Variants in ITGA2B observed in about 807,000 individuals in gnomAD.
ITGA2B encodes integrin alpha-IIb.
ITGA2B carries 91 observed loss-of-function variants against 142.0 expected under a neutral mutation model. The ratio of observed to expected loss-of-function variants is 0.64; its 90% CI spans 0.54 to 0.76. ITGA2B has a LOEUF of 0.76. Among genes scored for constraint, ITGA2B ranks in the 30% least tolerant of loss-of-function variants. ITGA2B has a pLI of 0.00. For synonymous variants in ITGA2B, 536 were observed against 567.2 expected (o/e 0.94, Z 0.78); for missense variants, 1,231 against 1,350.8 (o/e 0.91, Z 1.39).
Position 44,389,405 on chromosome 17 carries a change from A to G in ITGA2B, c.69T>C (p.Pro23=), listed in dbSNP as rs2143507076. The G allele has an allele frequency of 6.2e-7, 1 of 1,614,198 alleles. No individual in the cohort carries two copies. The highest frequency in any genetic ancestry group is 8.5e-7 in the Non-Finnish European group (1 of 1,180,032). The change falls in exon 1 of 30, where the codon CCT becomes CCC. Residue 23 remains proline, a synonymous_variant. Coordinates refer to ENST00000262407, the MANE Select transcript of ITGA2B (RefSeq NM_000419.5). ...LLEWVLLLLG[P]CAAPPAWALN... ...AGGCCCAGGCTGGAGGGGCAGCACA[A>G]GGTCCCAAGAGCAGCAGCACCCACT...
At chr17:44,377,114 A>G in intron 21 of ITGA2B, 26 bp from the exon 22 acceptor site, 2 of 1,541,612 alleles carry the variant, frequency 1.3e-6, no homozygotes, top group South Asian at 1.2e-5. Flanking sequence ...GGCCAAGGTC[A>G]CTGCCCAAGT....
Position 44,389,605 on chromosome 17 carries a change from G to C in ITGA2B, c.-132C>G. ...CTTGCTGAGCAACGGGCAGAGCAAA[G>C]GGCTATAGCCCCTGGACTCATGGTG... On this transcript the variant is annotated 5_prime_UTR_variant, in exon 1 of 30. Coordinates refer to ENST00000262407, the MANE Select transcript of ITGA2B (RefSeq NM_000419.5). 1 of 1,018,228 alleles carries C rather than the reference G, an allele frequency of 9.8e-7. No individual in the cohort carries two copies. The highest frequency in any genetic ancestry group is 1.6e-5 in the African/African-American group (1 of 63,210). 63.1% of individuals were successfully genotyped at this position (1,018,228 alleles called of 1,614,324 possible). A position where few individuals can be genotyped will look rare whatever the true frequency, so the allele number is the denominator to read the frequency against.
chr17:44,373,555 G>A (rs1456175935), intron 29 of ITGA2B, among the ~76,000 whole-genome samples: 1 of 152,208 alleles, frequency 6.6e-6, no homozygotes, highest in Non-Finnish European at 1.5e-5. Context: ...TCCCTTCAGT[G>A]TGCTTGAGAC....
Position 44,375,845 on chromosome 17 carries a change from G to A in ITGA2B, c.2589C>T (p.Val863=), listed in dbSNP as rs781462273. Residue 863 remains valine (V), a synonymous_variant, in exon 25 of 30, where the codon GTC becomes GTT. Transcript: ENST00000262407. ...ACCCAGCTCTTACCTTGAGAGGGTT[G>A]ACAGGAGGCTGTGGGAAGCACTGAA... ...GGLQCFPQPP[V]NPLKVDWGLP... 1.3e-6 allele frequency: 2 copies of A among 1,584,802 alleles called. No individual in the cohort carries two copies. Among genetic ancestry groups the A allele is most frequent in the Non-Finnish European group, 1.7e-6 (2 of 1,165,220 alleles).
intron 9 of ITGA2B, 62 bp downstream of exon 9, chr17:44,384,249 G>T: frequency 6.2e-7 from 1 of 1,603,772 alleles, no homozygotes; most frequent in Non-Finnish European, 8.5e-7. Flanking sequence ...GGGCGCTCAG[G>T]AGTTGTCAGC....
At position 44,383,605 on chromosome 17, in the gene ITGA2B, T is replaced by C. The variant is rs1231930154; in HGVS notation, c.1098A>G (p.Arg366=). 6.2e-7 allele frequency: 1 copy of C among 1,609,382 alleles called. No individual in the cohort carries two copies. Among genetic ancestry groups the C allele is most frequent in the Admixed American group, 1.7e-5 (1 of 59,426 alleles). ...VGRVYLFLQP[R]GPHALGAPSL... ...TGGGGGCACCCAGCGCGTGGGGGCC[T>C]CGCGGCTGCAGGAACAAATACACAC... The change falls in exon 12 of 30, where the codon CGA becomes CGG. Residue 366 remains arginine, a synonymous_variant. Transcript: ENST00000262407.
Position 44,389,382 on chromosome 17 carries a change from G to T in ITGA2B, c.92C>A (p.Ala31Asp). Reference sequence around the variant, plus strand: ...GAGCTGCACTGGGTCCAGGTTCAAGGCCCAGGCTGGAGGGGCAGCACAAGG... The same window carrying T: ...GAGCTGCACTGGGTCCAGGTTCAAGTCCCAGGCTGGAGGGGCAGCACAAGG... ...LGPCAAPPAW[A>D]LNLDPVQLTF... Residue 31 changes from alanine (A) to aspartate (D), a missense_variant, in exon 1 of 30, where the codon GCC becomes GAC. This residue lies in a region of ITGA2B where 318 missense variants were observed against 312.2 expected (regional missense o/e 1.02). Coordinates refer to ENST00000262407, the MANE Select transcript of ITGA2B (RefSeq NM_000419.5). 2 of 1,614,160 alleles carry T rather than the reference G, an allele frequency of 1.2e-6. No homozygotes were observed. Among genetic ancestry groups the T allele is most frequent in the Non-Finnish European group, 1.7e-6 (2 of 1,180,024 alleles).
At position 44,377,743 on chromosome 17, in the gene ITGA2B, C is replaced by T. The variant is rs760027064; in HGVS notation, c.2142G>A (p.Arg714=). The T allele has an allele frequency of 3.7e-6, 6 of 1,613,952 alleles. No individual in the cohort carries two copies. In the Admixed American group the frequency reaches 5.0e-5, roughly 13 times the overall value. Residue 714 remains arginine (R), a synonymous_variant, in exon 21 of 30, where the codon AGG becomes AGA. Coordinates refer to ENST00000262407, the MANE Select transcript of ITGA2B (RefSeq NM_000419.5). ...GGTTGCCCAGCTCACACAGCACCAC[C>T]CTGGTCTCATTCTCCTTCTTCTGAT... ...ICNQKKENET[R]VVLCELGNPM...
At position 44,378,413 on chromosome 17, in the gene ITGA2B, GGCCAGC is replaced by G; in HGVS notation, c.2037_2042del (p.Glu679_Ala681delinsAsp). 6.2e-7 allele frequency: 1 copy of G among 1,613,450 alleles called. No homozygotes were observed. The highest frequency in any genetic ancestry group is 1.1e-5 in the South Asian group (1 of 90,886). On this transcript the variant is annotated inframe_deletion, in exon 20 of 30. Transcript: ENST00000262407. ...AGTGGGCGCCCTGGGGCAGGTGCAC[GGCCAGC>G]TCTGCTTCATAGGCCCCCTCGCCCT...
chr17:44,376,221 C>A (rs1241447451), intron 23 of ITGA2B, 37 bp from the exon 24 acceptor site: 2 of 1,613,480 alleles, frequency 1.2e-6, no homozygotes, highest in Non-Finnish European at 1.7e-6. Flanking sequence ...GAGTGTGATG[C>A]CCTGATTGGC....
At position 44,377,605 on chromosome 17, in the gene ITGA2B, C is replaced by A. The variant is rs35735980; in HGVS notation, c.2187+93G>T. 16,965 of 920,578 alleles carry A rather than the reference C, an allele frequency of 0.018. 1,900 individuals are homozygous for A. The African/African-American group carries it at 0.24, about 13-fold the overall frequency. 57.0% of individuals were successfully genotyped at this position (920,578 alleles called of 1,614,324 possible). On this transcript the variant is annotated intron_variant, in intron 21 of 29. Coordinates refer to ENST00000262407, the MANE Select transcript of ITGA2B (RefSeq NM_000419.5). ...GGGAGTGTGAGGACCAAGATTCTGGCCCAGAACTATGTGGCTCTAAAACCT... is the reference window on the plus strand; with the variant it reads ...GGGAGTGTGAGGACCAAGATTCTGGACCAGAACTATGTGGCTCTAAAACCT...
Position 44,373,903 on chromosome 17 carries a change from C to T in ITGA2B, c.3060+451G>A, listed in dbSNP as rs189917397. ...TTTTGCTCTACTAGAGAAAGACATT[C>T]TATTTTTTTCTTTTTTTTTTGAGAT... On this transcript the variant is annotated intron_variant, in intron 29 of 29. Transcript: ENST00000262407. 770 of 191,958 alleles carry T rather than the reference C, an allele frequency of 4.0e-3. 9 individuals carry two copies. Among genetic ancestry groups the T allele is most frequent in the South Asian group, 0.015 (187 of 12,490 alleles). 11.9% of individuals were successfully genotyped at this position (191,958 alleles called of 1,614,324 possible). A position where few individuals can be genotyped will look rare whatever the true frequency, so the allele number is the denominator to read the frequency against.
At chr17:44,383,257 C>T (rs118021442) in intron 12 of ITGA2B, among the ~76,000 whole-genome samples, 45 of 152,282 alleles carry the variant, frequency 3.0e-4, no homozygotes, top group Non-Finnish European at 6.2e-4. Flanking sequence ...CCATCTCTAA[C>T]TCCACTGCCA....
rs1306990860 is a variant in ITGA2B at position 44,377,237 on chromosome 17, C to T, written c.2188-149G>A. On this transcript the variant is annotated intron_variant, in intron 21 of 29. Coordinates refer to ENST00000262407, the MANE Select transcript of ITGA2B (RefSeq NM_000419.5). ...CCGAGACGGAGTCTCACTCTGTCACCCAGGCTGGAGTGCAGTGGCATGATC... is the reference window on the plus strand; with the variant it reads ...CCGAGACGGAGTCTCACTCTGTCACTCAGGCTGGAGTGCAGTGGCATGATC... 45 of 694,080 alleles carry T rather than the reference C, an allele frequency of 6.5e-5. No homozygotes were observed. In the Admixed American group the frequency reaches 9.3e-4, roughly 14 times the overall value. 43.0% of individuals were successfully genotyped at this position (694,080 alleles called of 1,614,324 possible). A position where few individuals can be genotyped will look rare whatever the true frequency, so the allele number is the denominator to read the frequency against.
chr17:44,376,434 C>G (rs1409134422), intron 22 of ITGA2B, 46 bp from the exon 23 acceptor site: 1 of 1,593,226 alleles, frequency 6.3e-7, no homozygotes, highest in Non-Finnish European at 8.6e-7. Flanking sequence ...GACACCAGCC[C>G]AGTGACTTTC....
In ITGA2B at chr17:44,379,952, G is replaced by A; in HGVS notation, c.1752+50C>T. On this transcript the variant is annotated intron_variant, in intron 17 of 29. Coordinates refer to ENST00000262407, the MANE Select transcript of ITGA2B (RefSeq NM_000419.5). ...CCCCAGGGCTAGATGAACAAGTCCAGTGGGTAAGTTCTACTCTCCCAGCCC... is the reference window on the plus strand; with the variant it reads ...CCCCAGGGCTAGATGAACAAGTCCAATGGGTAAGTTCTACTCTCCCAGCCC... 2 of 1,613,008 alleles carry A rather than the reference G, an allele frequency of 1.2e-6. 1 individual carries two copies. The highest frequency in any genetic ancestry group is 3.8e-4 in the Middle Eastern group (2 of 5,272).
At chr17:44,376,676 C>T (rs935342911) in intron 22 of ITGA2B, among the ~76,000 whole-genome samples, 1 of 152,020 alleles carries the variant, frequency 6.6e-6, no homozygotes, top group Admixed American at 6.6e-5. Context: ...GGCCCAATCT[C>T]AGCTCACTGC....
chr17:44,388,884 C>T (rs1181489409), intron 1 of ITGA2B, among the ~76,000 whole-genome samples: 5 of 145,210 alleles, frequency 3.4e-5, no homozygotes, highest in Admixed American at 2.1e-4. Context: ...AGGCTGGTCT[C>T]GAATTCTCGA....
chr17:44,387,031 G>A (rs1598383975), intron 1 of ITGA2B, among the ~76,000 whole-genome samples: 1 of 150,856 alleles, frequency 6.6e-6, no homozygotes, highest in East Asian at 2.0e-4. Flanking sequence ...GAGGCCAAGG[G>A]ATTACAGGCG....
Sources: gnomAD v4.1 joint callset for allele counts (sites outside exome capture counted in the v4.1 genomes callset) on GRCh38, gnomAD v4.1.1 for gene constraint, gnomAD v4.1.1 regional missense constraint, MANE v1.5 for transcripts, NCBI Gene and HGNC (gene_info 2026-07-23, HGNC 2026-07-21) for gene names.